The following PCDHA10 variants were observed in gnomAD, a reference collection of about 807,000 sequenced individuals.
PCDHA10 encodes protocadherin alpha 10.
PCDHA10 carries 45 observed loss-of-function variants against 61.2 expected under a neutral mutation model. The ratio of observed to expected loss-of-function variants is 0.74; its 90% CI spans 0.58 to 0.94. The LOEUF (loss-of-function observed/expected upper bound fraction) is 0.94. Ranked by LOEUF, PCDHA10 falls within the 40% of genes least tolerant of loss-of-function variation. The pLI is 0.00. For missense variants in PCDHA10, 1,278 were observed against 1,236.2 expected (o/e 1.03, Z -0.51); for synonymous variants, 602 against 548.8 (o/e 1.10, Z -1.35).
intron 1 of PCDHA10, among the ~76,000 whole-genome samples, chr5:140,913,854 A>G: frequency 6.6e-6 from 1 of 152,128 alleles, no homozygotes; most frequent in Middle Eastern, 3.2e-3. Context: ...ATTCAGGAGC[A>G]TATTGTTTAA....
intron 1 of PCDHA10, among the ~76,000 whole-genome samples, chr5:140,978,595 G>A (rs2096811492): frequency 6.6e-6 from 1 of 152,214 alleles, no homozygotes; most frequent in African/African-American, 2.4e-5. Flanking sequence ...CCTTAATGGG[G>A]CACTTGAGGG....
chr5:140,868,933 T>C, intron 1 of PCDHA10: 1 of 1,104,696 alleles, frequency 9.1e-7, no homozygotes, highest in Non-Finnish European at 1.3e-6. Flanking sequence ...ATTTAAAGGT[T>C]GGTCTGAACA....
intron 1 of PCDHA10, among the ~76,000 whole-genome samples, chr5:140,887,337 C>T (rs2153419784): frequency 6.6e-6 from 1 of 152,268 alleles, no homozygotes; most frequent in East Asian, 1.9e-4. Flanking sequence ...ACCTCGTGAT[C>T]CACCTGGCTC....
rs538024116 is a variant in PCDHA10 at position 140,945,235 on chromosome 5, T to C, written c.2389-33714T>C. Among the ~76,000 whole-genome samples the C allele has an allele frequency of 1.1e-4, 17 of 152,128 alleles. No homozygotes were observed. In the South Asian group the frequency reaches 3.5e-3, roughly 32 times the overall value. On this transcript the variant is annotated intron_variant, in intron 1 of 3. Coordinates refer to ENST00000307360, the MANE Select transcript of PCDHA10 (RefSeq NM_018901.4). ...GAAAATAAAAATACTTAGGAATAAA[T>C]TTAACCAAGAGGATGAAAGACCTGC...
intron 1 of PCDHA10, chr5:140,929,216 A>G: frequency 6.2e-7 from 1 of 1,614,100 alleles, no homozygotes; most frequent in Non-Finnish European, 8.5e-7. Flanking sequence ...CGTGGGGAGT[A>G]CAATGCTGCC....
At chr5:140,919,910 A>C (rs1350361054) in intron 1 of PCDHA10, among the ~76,000 whole-genome samples, 1 of 152,204 alleles carries the variant, frequency 6.6e-6, no homozygotes. Flanking sequence ...GGATGAAATT[A>C]CCCTAAATTT....
At chr5:140,899,753 T>G (rs2067532965) in intron 1 of PCDHA10, among the ~76,000 whole-genome samples, 1 of 152,244 alleles carries the variant, frequency 6.6e-6, no homozygotes, top group African/African-American at 2.4e-5. Flanking sequence ...TCAGAAGGAA[T>G]GGTACCAGTT....
At chr5:140,905,360 T>C (rs2071771480) in intron 1 of PCDHA10, among the ~76,000 whole-genome samples, 2 of 152,238 alleles carry the variant, frequency 1.3e-5, no homozygotes, top group Non-Finnish European at 2.9e-5. Context: ...TTTGACTATA[T>C]TTCTGGTTCT....
intron 1 of PCDHA10, chr5:140,876,915 C>A: frequency 6.2e-7 from 1 of 1,613,966 alleles, no homozygotes; most frequent in Non-Finnish European, 8.5e-7. Flanking sequence ...CGGCATGGGA[C>A]GCGGACGCGC....
chr5:140,864,909 A>G (rs1046704709), intron 1 of PCDHA10: 1 of 152,160 alleles, frequency 6.6e-6, no homozygotes, highest in Non-Finnish European at 1.5e-5. Flanking sequence ...TCAGAATGGC[A>G]TTGCTGAGCT....
In PCDHA10 at chr5:140,876,738, G is replaced by A. The variant is rs782179304; in HGVS notation, c.2388+18302G>A. 3.1e-6 allele frequency: 5 copies of A among 1,614,264 alleles called. No individual in the cohort carries two copies. In the Admixed American group the frequency reaches 5.0e-5, roughly 16 times the overall value. ...ACCGCGAGAGCGTGTCGGCCTATGA[G>A]CTGGTGGTGACTGCGCGGGATGGGG... On this transcript the variant is annotated intron_variant, in intron 1 of 3. Coordinates refer to ENST00000307360, the MANE Select transcript of PCDHA10 (RefSeq NM_018901.4).
intron 1 of PCDHA10, among the ~76,000 whole-genome samples, chr5:140,917,639 C>T (rs151007423): frequency 1.6e-4 from 25 of 152,268 alleles, no homozygotes; most frequent in African/African-American, 5.8e-4. Flanking sequence ...AGCTAGTTAT[C>T]CCAGCAATAT....
At chr5:140,942,705 T>TA (rs1220612434) in intron 1 of PCDHA10, among the ~76,000 whole-genome samples, 1 of 152,100 alleles carries the variant, frequency 6.6e-6, no homozygotes, top group Non-Finnish European at 1.5e-5. Flanking sequence ...AAATATGAAG[T>TA]AAAAGTATGA....
intron 1 of PCDHA10, chr5:140,969,446 C>A (rs782526198): frequency 6.5e-7 from 1 of 1,541,082 alleles, no homozygotes; most frequent in African/African-American, 1.4e-5. Flanking sequence ...ATCTGGTAAA[C>A]TGAGTATATA....
At chr5:140,869,932 G>A (rs1291685236) in intron 1 of PCDHA10, 45 of 1,611,630 alleles carry the variant, frequency 2.8e-5, no homozygotes, top group Non-Finnish European at 3.5e-5. Context: ...CAATGGAGAG[G>A]TAACATACTC....
At chr5:140,905,351 TTGACTA>T (rs2071764307) in intron 1 of PCDHA10, among the ~76,000 whole-genome samples, 1 of 152,208 alleles carries the variant, frequency 6.6e-6, no homozygotes, top group Non-Finnish European at 1.5e-5. Context: ...CTGTAAGTAT[TTGACTA>T]TATTTCTGGT....
At chr5:140,912,220 C>T (rs1360868463) in intron 1 of PCDHA10, among the ~76,000 whole-genome samples, 1 of 151,800 alleles carries the variant, frequency 6.6e-6, no homozygotes, top group African/African-American at 2.4e-5. Flanking sequence ...ATCTGCCTTT[C>T]CCAGTCCACT....
chr5:140,892,408 G>A (rs1323060042), intron 1 of PCDHA10, among the ~76,000 whole-genome samples: 1 of 152,054 alleles, frequency 6.6e-6, no homozygotes, highest in African/African-American at 2.4e-5. Context: ...TCAAGCTTCA[G>A]GTATTCTAGA....
intron 1 of PCDHA10, chr5:140,869,548 G>C (rs2051232334): frequency 1.2e-6 from 2 of 1,614,084 alleles, no homozygotes; most frequent in African/African-American, 2.7e-5. Context: ...TAAGCAATCG[G>C]ACTCGCGTTT....
Sources: allele counts gnomAD v4.1 joint callset (sites outside exome capture counted in the v4.1 genomes callset), GRCh38; gene constraint gnomAD v4.1.1; transcripts MANE v1.5; gene names NCBI Gene and HGNC (gene_info 2026-07-23, HGNC 2026-07-21).